Variants in SIL1 observed in about 807,000 individuals in gnomAD.
SIL1 encodes SIL1 nucleotide exchange factor, also known as nucleotide exchange factor SIL1.
A neutral mutation model predicts 49.1 loss-of-function variants in SIL1; 40 were observed. That is an observed-to-expected ratio of 0.81 (90% CI 0.63 to 1.06). The LOEUF is 1.06. Ranked by LOEUF, SIL1 falls within the 50% of genes least tolerant of loss-of-function variation. The pLI is 0.00. For synonymous variants in SIL1, 253 were observed against 250.8 expected (o/e 1.01, Z -0.08); for missense variants, 500 against 572.6 (o/e 0.87, Z 1.29).
rs762261843 is a variant in SIL1, at chr5:139,017,657, G to A, written c.767+3514C>T. ...GTTACTTGATAGTTTAACTCCTGAC[G>A]GTTACGAGGTAAAGGAGATATATAG... On this transcript the variant is annotated intron_variant, in intron 7 of 9. Transcript: ENST00000394817. Among the ~76,000 whole-genome samples the A allele has an allele frequency of 8.0e-4, 122 of 152,112 alleles. 1 individual carries two copies. Among genetic ancestry groups the A allele is most frequent in the Non-Finnish European group, 1.7e-3 (116 of 68,016 alleles).
At chr5:139,079,855 C>T (rs770622118) in intron 3 of SIL1, among the ~76,000 whole-genome samples, 4 of 152,234 alleles carry the variant, frequency 2.6e-5, no homozygotes, top group African/African-American at 4.8e-5. Flanking sequence ...TATGCACTGG[C>T]TACACCAACA....
chr5:139,156,056 C>G (rs571319467), intron 1 of SIL1, among the ~76,000 whole-genome samples: 1 of 152,260 alleles, frequency 6.6e-6, no homozygotes, highest in African/African-American at 2.4e-5. Flanking sequence ...TGGTCTTGAA[C>G]TACTGCCAGG....
chr5:138,990,323 C>T (rs1349231243), intron 7 of SIL1, among the ~76,000 whole-genome samples: 1 of 152,138 alleles, frequency 6.6e-6, no homozygotes, highest in Non-Finnish European at 1.5e-5. Context: ...GCAACTCTAA[C>T]CAGGGCAGCC....
intron 7 of SIL1, among the ~76,000 whole-genome samples, chr5:138,994,862 C>A (rs564936411): frequency 6.6e-6 from 1 of 152,304 alleles, no homozygotes; most frequent in Non-Finnish European, 1.5e-5. Flanking sequence ...TCTTGCCCCC[C>A]AGCCAACCAC....
chr5:139,088,549 G>A (rs761629112), intron 3 of SIL1, among the ~76,000 whole-genome samples: 26 of 152,154 alleles, frequency 1.7e-4, no homozygotes, highest in Non-Finnish European at 3.1e-4. Flanking sequence ...AGTCCAGTGC[G>A]CACATGCCTG....
intron 7 of SIL1, among the ~76,000 whole-genome samples, chr5:139,012,133 A>G (rs951122149): frequency 9.2e-5 from 14 of 152,162 alleles, no homozygotes; most frequent in Non-Finnish European, 2.9e-5. Flanking sequence ...GGCTCACTGC[A>G]GCCTCAACTT....
intron 1 of SIL1, among the ~76,000 whole-genome samples, chr5:139,135,605 T>C (rs977035190): frequency 6.6e-6 from 1 of 151,518 alleles, no homozygotes; most frequent in Admixed American, 6.6e-5. Flanking sequence ...TGAGGAGCAT[T>C]CCTAGCCCTT....
Position 139,025,483 on chromosome 5 carries a change from G to C in SIL1, c.645+1318C>G, listed in dbSNP as rs1768624673. On this transcript the variant is annotated intron_variant, in intron 6 of 9. Transcript: ENST00000394817. ...AATTAATGCATACAGAGCACTTGAA[G>C]CAGTGCCTGGTATATGACAACACTC... 2.0e-5 allele frequency among the ~76,000 whole-genome samples: 3 copies of C among 152,188 alleles called. No individual in the cohort carries two copies. In the South Asian group the frequency reaches 6.2e-4, roughly 32 times the overall value.
intron 1 of SIL1, among the ~76,000 whole-genome samples, chr5:139,183,754 G>A (rs1049665633): frequency 2.0e-5 from 3 of 152,192 alleles, no homozygotes; most frequent in Non-Finnish European, 4.4e-5. Context: ...ATGGTAAGAA[G>A]GGTCTCCAAG....
chr5:138,982,939 G>A (rs766104404), intron 7 of SIL1, among the ~76,000 whole-genome samples: 50 of 152,140 alleles, frequency 3.3e-4, no homozygotes, highest in Admixed American at 3.1e-3. Context: ...GCTCATGCCT[G>A]TAATCCCAGC....
chr5:139,168,226 A>T (rs950109839), intron 1 of SIL1, among the ~76,000 whole-genome samples: 1 of 152,230 alleles, frequency 6.6e-6, no homozygotes, highest in Admixed American at 6.5e-5. Context: ...AAATCACTTA[A>T]CACATTTTTC....
intron 7 of SIL1, among the ~76,000 whole-genome samples, chr5:138,975,564 G>A (rs756522793): frequency 6.6e-5 from 10 of 152,132 alleles, no homozygotes; most frequent in South Asian, 2.1e-4. Flanking sequence ...CACGGTCACC[G>A]GCGATCCCCA....
intron 3 of SIL1, among the ~76,000 whole-genome samples, chr5:139,118,021 C>T (rs1771033918): frequency 6.6e-6 from 1 of 152,156 alleles, no homozygotes; most frequent in Admixed American, 6.5e-5. Context: ...CTTAAGAGCC[C>T]TGAGGGGACA....
chr5:139,005,296 C>G (rs1398439707), intron 7 of SIL1, among the ~76,000 whole-genome samples: 2 of 151,874 alleles, frequency 1.3e-5, no homozygotes, highest in Non-Finnish European at 2.9e-5. Flanking sequence ...GTGTCATTTT[C>G]TAATCTGTCC....
chr5:139,173,816 G>T (rs61433157), intron 1 of SIL1, among the ~76,000 whole-genome samples: 28,197 of 143,018 alleles, frequency 0.2, 6,144 homozygotes, highest in African/African-American at 0.54. Flanking sequence ...AAAATTAGCC[G>T]GGCGTGGTGG....
intron 7 of SIL1, 193 bp downstream of exon 7, chr5:139,020,978 G>A (rs1768511753): frequency 2.9e-6 from 2 of 691,078 alleles, no homozygotes; most frequent in Non-Finnish European, 5.1e-6. Flanking sequence ...TGGGGGAACA[G>A]AGAGTCACAG....
chr5:139,000,175 G>C (rs896284036), intron 7 of SIL1, among the ~76,000 whole-genome samples: 1 of 152,136 alleles, frequency 6.6e-6, no homozygotes, highest in African/African-American at 2.4e-5. Context: ...TTATCATAAA[G>C]GGATGTTAAA....
chr5:138,953,502 T>C lies in SIL1; in HGVS notation c.768-1618A>G, dbSNP rs1479668152. On this transcript the variant is annotated intron_variant, in intron 7 of 9. Coordinates refer to ENST00000394817, the MANE Select transcript of SIL1 (RefSeq NM_022464.5). ...CTCCTTTGTACCACGTGTCACTCTG[T>C]AGCCTCTCAGCCAGAAAGGAAGTAC... is the stretch of plus-strand genomic sequence containing the variant. 3 of 152,464 alleles carry C rather than the reference T, an allele frequency of 2.0e-5. No homozygotes were observed. The East Asian group carries it at 5.8e-4, about 29-fold the overall frequency. The allele number at this position is 152,464 out of a possible 1,614,324, so 9.4% of individuals were successfully genotyped here. A position where few individuals can be genotyped will look rare whatever the true frequency, so the allele number is the denominator to read the frequency against.
intron 3 of SIL1, among the ~76,000 whole-genome samples, chr5:139,103,810 T>C (rs1770644154): frequency 6.6e-6 from 1 of 152,228 alleles, no homozygotes; most frequent in South Asian, 2.1e-4. Context: ...GAGGCACTTA[T>C]GGACCATGGG....
Sources: allele counts gnomAD v4.1 joint callset (sites outside exome capture counted in the v4.1 genomes callset), GRCh38; gene constraint gnomAD v4.1.1; transcripts MANE v1.5; gene names NCBI Gene and HGNC (gene_info 2026-07-23, HGNC 2026-07-21).